Variants in RNF150 observed in about 807,000 individuals in gnomAD.
The protein encoded by RNF150 is ring finger protein 150.
Under a neutral mutation model 39.3 loss-of-function variants are expected in RNF150, and 24 were observed. The observed-to-expected ratio is 0.61, with a 90% CI of 0.44 to 0.86. The LOEUF is 0.86. RNF150 is among the 40% of genes least tolerant of loss of function. The pLI is 0.00. For missense variants in RNF150, 502 were observed against 587.8 expected (o/e 0.85, Z 1.51); for synonymous variants, 255 against 227.3 (o/e 1.12, Z -1.10).
chr4:140,915,001 C>A (rs1236376094), intron 5 of RNF150, among the ~76,000 whole-genome samples: 1 of 152,146 alleles, frequency 6.6e-6, no homozygotes, highest in Non-Finnish European at 1.5e-5. Context: ...TTTGAATAAT[C>A]TAGTAGATCA....
At chr4:141,022,296 T>C (rs1349327514) in intron 1 of RNF150, among the ~76,000 whole-genome samples, 1 of 152,174 alleles carries the variant, frequency 6.6e-6, no homozygotes, top group Admixed American at 6.6e-5. Flanking sequence ...TATGTTCCTC[T>C]TTCATGATTT....
At chr4:141,151,871 A>G (rs552953032) in intron 1 of RNF150, among the ~76,000 whole-genome samples, 1 of 152,332 alleles carries the variant, frequency 6.6e-6, no homozygotes, top group South Asian at 2.1e-4. Flanking sequence ...TTAGTAAACC[A>G]GCTTCAAATT....
chr4:140,909,795 A>T (rs1478413806), intron 6 of RNF150, among the ~76,000 whole-genome samples: 1 of 152,168 alleles, frequency 6.6e-6, no homozygotes, highest in African/African-American at 2.4e-5. Flanking sequence ...CAATACTGAG[A>T]TCTTTATACC....
At chr4:140,892,010 C>G (rs957795079) in intron 6 of RNF150, among the ~76,000 whole-genome samples, 1 of 152,164 alleles carries the variant, frequency 6.6e-6, no homozygotes, top group Non-Finnish European at 1.5e-5. Flanking sequence ...CTCTTCCAAG[C>G]AACTGGTTCC....
chr4:141,203,869 GA>G (rs1011580135), intron 1 of RNF150, among the ~76,000 whole-genome samples: 63 of 148,236 alleles, frequency 4.2e-4, no homozygotes, highest in African/African-American at 1.4e-3. Context: ...GCACAGTGAA[GA>G]AAAAAAAAAG....
At chr4:140,932,213 G>A (rs889107706) in intron 4 of RNF150, among the ~76,000 whole-genome samples, 2 of 152,302 alleles carry the variant, frequency 1.3e-5, no homozygotes, top group Admixed American at 6.5e-5. Context: ...ATGCATACCC[G>A]AAATGTTTCT....
At chr4:140,958,764 G>A (rs1287875386) in intron 2 of RNF150, among the ~76,000 whole-genome samples, 3 of 152,098 alleles carry the variant, frequency 2.0e-5, no homozygotes, top group Admixed American at 6.6e-5. Context: ...TGGTGGCATC[G>A]ATGGGCTATT....
chr4:140,940,390 AGT>A (rs3033129), intron 4 of RNF150, among the ~76,000 whole-genome samples: 132,822 of 151,076 alleles, frequency 0.88, 59,017 homozygotes, highest in Non-Finnish European at 0.95. Context: ...TAGCAGAAAA[AGT>A]GTGTGTGTGT....
At chr4:141,120,226 G>C (rs1412292330) in intron 1 of RNF150, among the ~76,000 whole-genome samples, 1 of 152,164 alleles carries the variant, frequency 6.6e-6, no homozygotes, top group African/African-American at 2.4e-5. Flanking sequence ...TAAGATAAGG[G>C]AGAATAAGAG....
At chr4:141,180,164 G>A (rs150946100) in intron 1 of RNF150, among the ~76,000 whole-genome samples, 139 of 152,300 alleles carry the variant, frequency 9.1e-4, no homozygotes, top group African/African-American at 3.2e-3. Context: ...GGCTCACAAA[G>A]TGAGGTCTTG....
At chr4:141,090,771 T>A (rs1277785268) in intron 1 of RNF150, among the ~76,000 whole-genome samples, 2 of 152,244 alleles carry the variant, frequency 1.3e-5, no homozygotes, top group Admixed American at 6.5e-5. Flanking sequence ...CCCTGGTGAT[T>A]GTTGCTTTTC....
At chr4:141,118,206 A>ATC (rs1453086188) in intron 1 of RNF150, among the ~76,000 whole-genome samples, 1 of 152,148 alleles carries the variant, frequency 6.6e-6, no homozygotes, top group Admixed American at 6.6e-5. Flanking sequence ...TGACTTTGAC[A>ATC]ATTGATAGGC....
At chr4:140,996,314 TA>T (rs1382339779) in intron 1 of RNF150, among the ~76,000 whole-genome samples, 1 of 151,786 alleles carries the variant, frequency 6.6e-6, no homozygotes, top group Non-Finnish European at 1.5e-5. Flanking sequence ...AGCCCATTTT[TA>T]ATTGGATTGT....
At chr4:141,097,377 A>T (rs1470359033) in intron 1 of RNF150, among the ~76,000 whole-genome samples, 1 of 152,206 alleles carries the variant, frequency 6.6e-6, no homozygotes, top group African/African-American at 2.4e-5. Flanking sequence ...TATTTTCTTC[A>T]TACATATAGT....
chr4:140,862,456 T>C lies in RNF150; in HGVS notation c.*5805A>G, dbSNP rs1017431698. The stretch of plus-strand genomic sequence containing the variant: ...GCAGGTTCTTGTAGAACAAGCAGGA[T>C]TGCAATCAAATTGCTCGATATTAAG... On this transcript the variant is annotated 3_prime_UTR_variant, in exon 7 of 7. Coordinates refer to ENST00000515673, the MANE Select transcript of RNF150 (RefSeq NM_020724.2). 5.9e-5 allele frequency: 9 copies of C among 152,186 alleles called. No individual in the cohort carries two copies. Among genetic ancestry groups the C allele is most frequent in the Non-Finnish European group, 1.2e-4 (8 of 68,042 alleles). The allele number at this position is 152,186 out of a possible 1,614,324, so 9.4% of individuals were successfully genotyped here. A position where few individuals can be genotyped will look rare whatever the true frequency, so the allele number is the denominator to read the frequency against.
intron 1 of RNF150, among the ~76,000 whole-genome samples, chr4:140,972,054 A>G (rs1304447911): frequency 6.6e-6 from 1 of 151,948 alleles, no homozygotes; most frequent in Non-Finnish European, 1.5e-5. Context: ...ATATTGTCCC[A>G]TTTGTAGATA....
intron 1 of RNF150, among the ~76,000 whole-genome samples, chr4:141,131,591 T>C (rs887144046): frequency 6.6e-6 from 1 of 152,202 alleles, no homozygotes; most frequent in African/African-American, 2.4e-5. Flanking sequence ...AAGCTTATTC[T>C]CTCTAGTCTG....
At chr4:140,870,656 T>C (rs1256222387) in intron 6 of RNF150, among the ~76,000 whole-genome samples, 1 of 152,084 alleles carries the variant, frequency 6.6e-6, no homozygotes, top group Non-Finnish European at 1.5e-5. Flanking sequence ...ACAGCACCAC[T>C]CCACAGCACA....
intron 1 of RNF150, among the ~76,000 whole-genome samples, chr4:140,987,884 A>G (rs1212245257): frequency 3.3e-5 from 5 of 152,200 alleles, no homozygotes; most frequent in Admixed American, 6.5e-5. Flanking sequence ...AATATCCACA[A>G]TCTACAAGGA....
Sources: gnomAD v4.1 joint callset for allele counts (sites outside exome capture counted in the v4.1 genomes callset) on GRCh38, gnomAD v4.1.1 for gene constraint, MANE v1.5 for transcripts, NCBI Gene and HGNC (gene_info 2026-07-23, HGNC 2026-07-21) for gene names.